DNAH12: variants seen among roughly 807,000 people sequenced by gnomAD.
The protein encoded by DNAH12 is dynein axonemal heavy chain 12, also known as axonemal beta dynein heavy chain 12.
In DNAH12, 285 loss-of-function variants were observed where a neutral mutation model predicts 371.5. The ratio of observed to expected loss-of-function variants is 0.77; its 90% CI spans 0.70 to 0.85. The LOEUF (loss-of-function observed/expected upper bound fraction) is 0.85, where lower values mean the gene tolerates loss of function less well. Ranked by LOEUF, DNAH12 falls within the 40% of genes least tolerant of loss-of-function variation. The pLI is 0.00. For synonymous variants in DNAH12, 1,200 were observed against 1,213.0 expected (o/e 0.99, Z 0.22); for missense variants, 3,611 against 3,689.4 (o/e 0.98, Z 0.55).
intron 8 of DNAH12, among the ~76,000 whole-genome samples, chr3:57,505,164 C>G (rs901741539): frequency 2.0e-5 from 3 of 152,128 alleles, no homozygotes; most frequent in African/African-American, 4.8e-5. Context: ...GCTGGGATTA[C>G]AGGCGTGAGC....
At position 57,491,133 on chromosome 3, in the gene DNAH12, A is replaced by G. The variant is rs542680971; in HGVS notation, c.1336-1446T>C. 2.6e-5 allele frequency among the ~76,000 whole-genome samples: 4 copies of G among 151,190 alleles called. No individual in the cohort carries two copies. In the South Asian group the frequency reaches 6.3e-4, roughly 24 times the overall value. On this transcript the variant is annotated intron_variant, in intron 11 of 73. Transcript: ENST00000495027. ...ATAAAGGGTAGACAGAACTCATGGC[A>G]TTGAAAAAAGATGAATATGGATAAA...
chr3:57,310,847 AG>A lies in DNAH12; in HGVS notation c.10765del (p.Leu3589PhefsTer3). 1 of 1,551,670 alleles carries A rather than the reference AG, an allele frequency of 6.4e-7. No individual in the cohort carries two copies. Among genetic ancestry groups the A allele is most frequent in the Non-Finnish European group, 8.7e-7 (1 of 1,146,960 alleles). Reference protein sequence around the residue: ...GRVTDDWDRRLLLTMLADFYN... With the variant: ...GRVTDDWDRRXLLTMLADFYN... ...AAAGTCAGCCAGCATGGTTAATAGA[AG>A]ACGTCTGTCCCAATCGTCTGTCACT... is the stretch of plus-strand genomic sequence containing the variant. On this transcript the variant is annotated frameshift_variant, in exon 67 of 74. Transcript: ENST00000495027. LOFTEE classifies it high-confidence loss of function.
chr3:57,360,288 AAAC>A (rs2062895680), intron 58 of DNAH12, among the ~76,000 whole-genome samples: 2 of 152,028 alleles, frequency 1.3e-5, no homozygotes, highest in African/African-American at 4.8e-5. Context: ...GAAAAACCCA[AAAC>A]AAAACAAAGC....
At chr3:57,413,443 G>C (rs2064266921) in intron 39 of DNAH12, among the ~76,000 whole-genome samples, 1 of 152,192 alleles carries the variant, frequency 6.6e-6, no homozygotes, top group South Asian at 2.1e-4. Context: ...TATGGACTTT[G>C]GGTGATTGTG....
At chr3:57,461,426 G>A (rs183990579) in intron 19 of DNAH12, 63 bp downstream of exon 19, 160 of 1,450,010 alleles carry the variant, frequency 1.1e-4, no homozygotes, top group Admixed American at 2.8e-4. Flanking sequence ...CCATGAGAGC[G>A]TATATGTAAT....
intron 25 of DNAH12, among the ~76,000 whole-genome samples, chr3:57,448,543 G>A (rs183490208): frequency 6.6e-6 from 1 of 152,350 alleles, no homozygotes; most frequent in East Asian, 1.9e-4. Flanking sequence ...TGGACCCAGA[G>A]TGAGCAGTAG....
chr3:57,537,791 T>A (rs978169307), intron 2 of DNAH12, among the ~76,000 whole-genome samples: 1 of 151,848 alleles, frequency 6.6e-6, no homozygotes, highest in Non-Finnish European at 1.5e-5. Flanking sequence ...TTCAAGTGAT[T>A]CTCCTGCCTC....
At chr3:57,522,705 C>T (rs779857220) in intron 4 of DNAH12, among the ~76,000 whole-genome samples, 8 of 152,194 alleles carry the variant, frequency 5.3e-5, no homozygotes, top group South Asian at 4.1e-4. Context: ...TGAAAACATG[C>T]TGCATGATTT....
At chr3:57,388,100 T>C (rs1400005362) in intron 45 of DNAH12, among the ~76,000 whole-genome samples, 5 of 152,154 alleles carry the variant, frequency 3.3e-5, no homozygotes, top group Non-Finnish European at 7.3e-5. Flanking sequence ...AGTGAAATGG[T>C]TCCTTCCTTG....
At position 57,479,172 on chromosome 3, in the gene DNAH12, A is replaced by G. The variant is rs1240111814; in HGVS notation, c.1650+4204T>C. On this transcript the variant is annotated intron_variant, in intron 13 of 73. Transcript: ENST00000495027. Reference sequence around the variant, plus strand: ...GACCCATAGTGTGCTGTATTCAGGAAACCCATCTCACGTGCAGAGACACAC... The same window carrying G: ...GACCCATAGTGTGCTGTATTCAGGAGACCCATCTCACGTGCAGAGACACAC... 2.6e-5 allele frequency among the ~76,000 whole-genome samples: 4 copies of G among 152,284 alleles called. 1 individual carries two copies. The East Asian group carries it at 7.7e-4, about 29-fold the overall frequency.
chr3:57,414,449 G>A (rs1298486561), intron 38 of DNAH12, among the ~76,000 whole-genome samples: 1 of 152,066 alleles, frequency 6.6e-6, no homozygotes, highest in Non-Finnish European at 1.5e-5. Flanking sequence ...GGGTAATTGT[G>A]TGTTGTGAGG....
At chr3:57,444,880 T>G in intron 28 of DNAH12, 64 bp from the exon 29 acceptor site, 2 of 1,475,970 alleles carry the variant, frequency 1.4e-6, no homozygotes, top group African/African-American at 1.5e-5. Context: ...CACTTCTCCC[T>G]CCCCTCCCAG....
intron 55 of DNAH12, among the ~76,000 whole-genome samples, chr3:57,370,816 G>A (rs1470551987): frequency 6.6e-6 from 1 of 152,122 alleles, no homozygotes; most frequent in African/African-American, 2.4e-5. Context: ...CCTGGACTTG[G>A]GAAGAGTATC....
chr3:57,311,623 G>A (rs2061586206), intron 66 of DNAH12, among the ~76,000 whole-genome samples: 1 of 152,172 alleles, frequency 6.6e-6, no homozygotes, highest in South Asian at 2.1e-4. Flanking sequence ...TGGGGGCTGG[G>A]GTGTTACTGG....
At chr3:57,468,020 C>T (rs2066254996) in intron 17 of DNAH12, among the ~76,000 whole-genome samples, 1 of 152,096 alleles carries the variant, frequency 6.6e-6, no homozygotes, top group Non-Finnish European at 1.5e-5. Flanking sequence ...GTACCCATGC[C>T]TAGAACAGAG....
At chr3:57,295,813 T>C (rs1234419941) in intron 72 of DNAH12, among the ~76,000 whole-genome samples, 1 of 152,212 alleles carries the variant, frequency 6.6e-6, no homozygotes, top group Non-Finnish European at 1.5e-5. Flanking sequence ...TATGAATGTC[T>C]GCCAATTTTT....
In DNAH12 at chr3:57,322,924, C is replaced by T. The variant is rs575783925; in HGVS notation, c.10383+83G>A. The T allele has an allele frequency of 3.7e-5, 54 of 1,465,580 alleles. No individual in the cohort carries two copies. In the East Asian group the frequency reaches 4.5e-4, roughly 12 times the overall value. The allele number at this position is 1,465,580 out of a possible 1,614,324, so 90.8% of individuals were successfully genotyped here. On this transcript the variant is annotated intron_variant, in intron 64 of 73. Coordinates refer to ENST00000495027, the MANE Select transcript of DNAH12 (RefSeq NM_001366028.2). The stretch of plus-strand genomic sequence containing the variant: ...CAGCCTGGGAGACAGAGTAAGACTC[C>T]GTCTCAAAACAAACAAACAAAACAA...
At chr3:57,412,372 T>TA (rs2064234693) in intron 39 of DNAH12, among the ~76,000 whole-genome samples, 3 of 152,026 alleles carry the variant, frequency 2.0e-5, no homozygotes, top group Admixed American at 6.6e-5. Flanking sequence ...AGCAAAGGAG[T>TA]AAACCTAGTT....
chr3:57,405,127 T>C lies in DNAH12; in HGVS notation c.6597A>G (p.Arg2199=). The change falls in exon 42 of 74, where the codon AGA becomes AGG. Residue 2199 remains arginine, a synonymous_variant. Coordinates refer to ENST00000495027, the MANE Select transcript of DNAH12 (RefSeq NM_001366028.2). The part of the protein sequence containing the change: ...QNAPVTEEDL[R]NLMFGDYMNP... ...TCATATAATCACCAAACATGAGATT[T>C]CTTAAGTCTTCTTCAGTTACCTATA... 2 of 1,536,306 alleles carry C rather than the reference T, an allele frequency of 1.3e-6. No homozygotes were observed. Among genetic ancestry groups the C allele is most frequent in the Middle Eastern group, 1.8e-4 (1 of 5,464 alleles).
Sources: gnomAD v4.1 joint callset for allele counts (sites outside exome capture counted in the v4.1 genomes callset) on GRCh38, gnomAD v4.1.1 for gene constraint, MANE v1.5 for transcripts, NCBI Gene and HGNC (gene_info 2026-07-23, HGNC 2026-07-21) for gene names.